The following PIK3C3 variants were observed in gnomAD, a reference collection of about 807,000 sequenced individuals.
PIK3C3 encodes the protein phosphatidylinositol 3-kinase catalytic subunit type 3.
A neutral mutation model predicts 126.1 loss-of-function variants in PIK3C3; 95 were observed. The observed-to-expected ratio is 0.75, with a 90% CI of 0.64 to 0.89. The LOEUF is 0.89. Among genes scored for constraint, PIK3C3 ranks in the 40% least tolerant of loss-of-function variants. The probability of loss-of-function intolerance (pLI) is 0.00; values close to 1 mark genes in which losing one functional copy is unlikely to be tolerated. For synonymous variants in PIK3C3, 374 were observed against 360.0 expected (o/e 1.04, Z -0.44); for missense variants, 829 against 1,063.2 (o/e 0.78, Z 3.06).
At chr18:42,068,105 T>C (rs1015219062) in intron 24 of PIK3C3, among the ~76,000 whole-genome samples, 11 of 152,238 alleles carry the variant, frequency 7.2e-5, no homozygotes, top group African/African-American at 2.7e-4. Context: ...TCCTTCCTGG[T>C]GTTACACATT....
At chr18:42,054,665 ATTTG>A (rs1418286735) in intron 21 of PIK3C3, among the ~76,000 whole-genome samples, 7 of 152,050 alleles carry the variant, frequency 4.6e-5, no homozygotes, top group Admixed American at 2.0e-4. Flanking sequence ...AGAGTGGCTA[ATTTG>A]TTTGGCTCTA....
intron 16 of PIK3C3, among the ~76,000 whole-genome samples, chr18:42,036,615 A>G (rs1293548818): frequency 6.6e-6 from 1 of 151,848 alleles, no homozygotes; most frequent in Non-Finnish European, 1.5e-5. Flanking sequence ...CCCCCTTTCT[A>G]AAAAGAATAT....
chr18:42,031,702 C>G (rs1478269671), intron 15 of PIK3C3, among the ~76,000 whole-genome samples: 1 of 152,144 alleles, frequency 6.6e-6, no homozygotes, highest in Non-Finnish European at 1.5e-5. Flanking sequence ...CAGGCATGAG[C>G]CACTGTGCCT....
intron 6 of PIK3C3, among the ~76,000 whole-genome samples, chr18:41,992,428 G>T (rs556055109): frequency 1.3e-5 from 2 of 152,270 alleles, no homozygotes; most frequent in East Asian, 3.9e-4. Flanking sequence ...CCCGCTTTCA[G>T]TCTCTCTTGA....
At chr18:42,030,252 G>A (rs1358173606) in intron 15 of PIK3C3, among the ~76,000 whole-genome samples, 1 of 152,178 alleles carries the variant, frequency 6.6e-6, no homozygotes, top group Non-Finnish European at 1.5e-5. Context: ...CTTTGTAACT[G>A]TTCTCTCCTG....
chr18:42,015,703 G>A (rs946207884), intron 12 of PIK3C3, 137 bp downstream of exon 12: 13 of 647,802 alleles, frequency 2.0e-5, no homozygotes, highest in African/African-American at 1.3e-4. Flanking sequence ...TATGATGCAC[G>A]TTTATAACTT....
chr18:42,063,034 C>T (rs751168384), intron 22 of PIK3C3, among the ~76,000 whole-genome samples: 1 of 152,156 alleles, frequency 6.6e-6, no homozygotes, highest in Admixed American at 6.5e-5. Flanking sequence ...TTGATTCTTA[C>T]TCCCTTCAAG....
chr18:42,036,923 T>C (rs951823890), intron 16 of PIK3C3, among the ~76,000 whole-genome samples: 6 of 152,208 alleles, frequency 3.9e-5, no homozygotes, highest in African/African-American at 1.2e-4. Flanking sequence ...CTTTATGTCA[T>C]GCATTACAGT....
intron 24 of PIK3C3, among the ~76,000 whole-genome samples, chr18:42,071,565 C>T (rs573421290): frequency 2.0e-5 from 3 of 151,910 alleles, no homozygotes; most frequent in East Asian, 3.9e-4. Context: ...ACTAAAAATA[C>T]AAAAATTAGC....
intron 19 of PIK3C3, among the ~76,000 whole-genome samples, chr18:42,042,269 G>C (rs1004652051): frequency 6.6e-6 from 1 of 152,172 alleles, no homozygotes; most frequent in Non-Finnish European, 1.5e-5. Flanking sequence ...GAAGCTCACT[G>C]TGTCTTCATA....
In PIK3C3 at chr18:42,036,737, G is replaced by C. The variant is rs151184179; in HGVS notation, c.1840-955G>C. 9.2e-5 allele frequency among the ~76,000 whole-genome samples: 14 copies of C among 151,994 alleles called. No homozygotes were observed. The East Asian group carries it at 2.7e-3, about 29-fold the overall frequency. On this transcript the variant is annotated intron_variant, in intron 16 of 24. Transcript: ENST00000262039. ...AACATAATATTATTCCAGAATAAAA[G>C]ATACAGATATTTGAGATCTCCTCTC...
At chr18:42,013,349 G>T in intron 10 of PIK3C3, 93 bp from the exon 11 acceptor site, 1 of 783,586 alleles carries the variant, frequency 1.3e-6, no homozygotes, top group Admixed American at 3.0e-5. Flanking sequence ...ATAGATAAAA[G>T]TAAAATGTTT....
intron 18 of PIK3C3, among the ~76,000 whole-genome samples, chr18:42,039,280 A>G (rs989669981): frequency 2.6e-5 from 4 of 152,196 alleles, no homozygotes; most frequent in African/African-American, 9.7e-5. Flanking sequence ...CTGAGAAACA[A>G]AATACATGCT....
At chr18:41,987,362 C>T (rs684091) in intron 4 of PIK3C3, among the ~76,000 whole-genome samples, 12,617 of 151,992 alleles carry the variant, frequency 0.083, 1,709 homozygotes, top group African/African-American at 0.28. Context: ...GAGCTTAAAC[C>T]TTAGAGTATT....
intron 3 of PIK3C3, among the ~76,000 whole-genome samples, chr18:41,966,226 G>A (rs763525541): frequency 4.4e-4 from 56 of 128,418 alleles, no homozygotes; most frequent in Non-Finnish European, 7.4e-4. Context: ...TCGCCCTGCT[G>A]TGGGGTGATC....
chr18:41,965,930 C>T (rs1410464454), intron 3 of PIK3C3, among the ~76,000 whole-genome samples: 2 of 152,038 alleles, frequency 1.3e-5, no homozygotes, highest in South Asian at 2.1e-4. Context: ...TGTTTTCTGC[C>T]ATTAACTAAA....
At chr18:42,011,719 A>G (rs928567918) in intron 10 of PIK3C3, among the ~76,000 whole-genome samples, 2 of 152,176 alleles carry the variant, frequency 1.3e-5, no homozygotes, top group East Asian at 1.9e-4. Context: ...CTTTCAACCT[A>G]TCTTGGCTTT....
At chr18:42,034,039 AC>A (rs1983942039) in intron 16 of PIK3C3, 82 bp downstream of exon 16, 1 of 906,760 alleles carries the variant, frequency 1.1e-6, no homozygotes, top group African/African-American at 1.7e-5. Flanking sequence ...GAAAACTATT[AC>A]ATTGCAGAGA....
chr18:42,068,806 C>A (rs1332731753), intron 24 of PIK3C3, among the ~76,000 whole-genome samples: 4 of 151,852 alleles, frequency 2.6e-5, no homozygotes, highest in African/African-American at 9.7e-5. Flanking sequence ...AAAAATTAGC[C>A]AGGTGTGATG....
Sources: gnomAD v4.1 joint callset for allele counts (sites outside exome capture counted in the v4.1 genomes callset) on GRCh38, gnomAD v4.1.1 for gene constraint, MANE v1.5 for transcripts, NCBI Gene and HGNC (gene_info 2026-07-23, HGNC 2026-07-21) for gene names.